Variants in RNF150 observed in about 807,000 individuals in gnomAD.
RNF150 encodes the protein ring finger protein 150.
Under a neutral mutation model 39.3 loss-of-function variants are expected in RNF150, and 24 were observed. That is an observed-to-expected ratio of 0.61 (90% CI 0.44 to 0.86). RNF150 has a LOEUF of 0.86. Ranked by LOEUF, RNF150 falls within the 40% of genes least tolerant of loss-of-function variation. The probability of loss-of-function intolerance (pLI) is 0.00; values close to 1 mark genes in which losing one functional copy is unlikely to be tolerated. For missense variants in RNF150, 502 were observed against 587.8 expected, an observed-to-expected ratio of 0.85 and a Z score of 1.51; for synonymous variants, 255 against 227.3, an observed-to-expected ratio of 1.12 and a Z score of -1.10.
At chr4:141,044,871 G>T (rs538378480) in intron 1 of RNF150, among the ~76,000 whole-genome samples, 1 of 152,092 alleles carries the variant, frequency 6.6e-6, no homozygotes, top group Non-Finnish European at 1.5e-5. Flanking sequence ...AGCATCAGTT[G>T]ATCTCAACAT....
chr4:141,024,851 A>G (rs899286551), intron 1 of RNF150, among the ~76,000 whole-genome samples: 2 of 152,150 alleles, frequency 1.3e-5, no homozygotes, highest in Admixed American at 6.6e-5. Flanking sequence ...GGTGTTTAAC[A>G]TTCTATTCTC....
Position 140,898,064 on chromosome 4 carries a change from T to C in RNF150, c.1198+13080A>G, listed in dbSNP as rs1010342651. ...TGCCTTTACTATCTGATCATGTTCC[T>C]TGATGCCCCACCAGATGAAGAGACC... On this transcript the variant is annotated intron_variant, in intron 6 of 6. Coordinates refer to ENST00000515673, the MANE Select transcript of RNF150 (RefSeq NM_020724.2). Among the ~76,000 whole-genome samples the C allele has an allele frequency of 8.6e-4, 131 of 152,328 alleles. 1 individual carries two copies. Among genetic ancestry groups the C allele is most frequent in the African/African-American group, 1.9e-3 (79 of 41,576 alleles).
At chr4:140,985,790 G>A (rs927473414) in intron 1 of RNF150, among the ~76,000 whole-genome samples, 1 of 152,026 alleles carries the variant, frequency 6.6e-6, no homozygotes, top group African/African-American at 2.4e-5. Flanking sequence ...AGATATTTTA[G>A]TTTTAATTTT....
At chr4:140,957,517 G>C (rs916607174) in intron 2 of RNF150, among the ~76,000 whole-genome samples, 22 of 152,286 alleles carry the variant, frequency 1.4e-4, no homozygotes, top group Admixed American at 1.3e-4. Context: ...TCTAGAACTA[G>C]AAATACCATT....
At chr4:140,940,914 G>A (rs1732058600) in intron 4 of RNF150, among the ~76,000 whole-genome samples, 1 of 152,142 alleles carries the variant, frequency 6.6e-6, no homozygotes, top group African/African-American at 2.4e-5. Flanking sequence ...AATAGAACCT[G>A]CTTTCTGCCA....
chr4:141,045,316 A>G (rs1179397010), intron 1 of RNF150, among the ~76,000 whole-genome samples: 2 of 152,168 alleles, frequency 1.3e-5, no homozygotes, highest in Admixed American at 6.5e-5. Context: ...TGCAAAAACC[A>G]TTTTCACAAA....
At chr4:141,172,224 G>A (rs1365634330) in intron 1 of RNF150, among the ~76,000 whole-genome samples, 1 of 152,154 alleles carries the variant, frequency 6.6e-6, no homozygotes, top group African/African-American at 2.4e-5. Flanking sequence ...GCTAGCTGGG[G>A]CATTTGCTTC....
chr4:141,047,109 G>C (rs1377966022), intron 1 of RNF150, among the ~76,000 whole-genome samples: 1 of 152,062 alleles, frequency 6.6e-6, no homozygotes, highest in Non-Finnish European at 1.5e-5. Context: ...TGCCAATCAG[G>C]ACTAATGCAC....
chr4:140,945,588 AT>A (rs1732270032), intron 4 of RNF150, among the ~76,000 whole-genome samples: 1 of 147,752 alleles, frequency 6.8e-6, no homozygotes, highest in African/African-American at 2.5e-5. Context: ...TATATACTAC[AT>A]ATATACATAT....
intron 1 of RNF150, chr4:141,053,565 G>T: frequency 2.0e-6 from 1 of 502,906 alleles, no homozygotes; most frequent in Non-Finnish European, 3.2e-6. Context: ...TATTTAAATT[G>T]GGAGATATAA....
chr4:140,916,215 G>A (rs1400766998), intron 5 of RNF150, among the ~76,000 whole-genome samples: 1 of 152,210 alleles, frequency 6.6e-6, no homozygotes, highest in African/African-American at 2.4e-5. Flanking sequence ...GACGAGTTGA[G>A]AGAGGAAGGC....
chr4:141,036,845 C>G (rs1348890009), intron 1 of RNF150, among the ~76,000 whole-genome samples: 3 of 152,174 alleles, frequency 2.0e-5, no homozygotes, highest in Non-Finnish European at 4.4e-5. Context: ...TAATATCTAA[C>G]AGCATAGCAC....
At chr4:141,084,780 A>G (rs1169300349) in intron 1 of RNF150, among the ~76,000 whole-genome samples, 1 of 152,242 alleles carries the variant, frequency 6.6e-6, no homozygotes, top group Non-Finnish European at 1.5e-5. Flanking sequence ...GACAAATGTC[A>G]TCACAGTATC....
chr4:140,969,927 C>T (rs922372974), intron 1 of RNF150, among the ~76,000 whole-genome samples: 1 of 151,926 alleles, frequency 6.6e-6, no homozygotes, highest in South Asian at 2.1e-4. Context: ...TCATGCCTTG[C>T]TAATTTTTGT....
At chr4:140,899,116 G>C (rs997301571) in intron 6 of RNF150, among the ~76,000 whole-genome samples, 1 of 152,036 alleles carries the variant, frequency 6.6e-6, no homozygotes, top group Non-Finnish European at 1.5e-5. Flanking sequence ...GATCTAATAG[G>C]AACATTCAAA....
At chr4:141,089,500 C>T (rs376438841) in intron 1 of RNF150, among the ~76,000 whole-genome samples, 1 of 152,126 alleles carries the variant, frequency 6.6e-6, no homozygotes, top group Non-Finnish European at 1.5e-5. Flanking sequence ...CGACTTGTGT[C>T]AAGAAAACAA....
intron 6 of RNF150, among the ~76,000 whole-genome samples, chr4:140,879,042 CT>C (rs1275843944): frequency 6.6e-6 from 1 of 152,178 alleles, no homozygotes; most frequent in African/African-American, 2.4e-5. Flanking sequence ...TCTTGGCTCA[CT>C]GTTGAGGATT....
chr4:141,149,866 T>C (rs1035849914), intron 1 of RNF150, among the ~76,000 whole-genome samples: 2 of 152,208 alleles, frequency 1.3e-5, no homozygotes, highest in African/African-American at 4.8e-5. Context: ...TGTAAAAGTG[T>C]TCCTTTTCAC....
rs970687412 is a variant in RNF150, at chr4:140,865,467, C to T, written c.*2794G>A. ...TACCAGGTCTCCAGGTCAGTCTCTT[C>T]TTTGGGGGAGGTAAAGAAGGCTATA... On this transcript the variant is annotated 3_prime_UTR_variant, in exon 7 of 7. Coordinates refer to ENST00000515673, the MANE Select transcript of RNF150 (RefSeq NM_020724.2). 6 of 151,390 alleles carry T rather than the reference C, an allele frequency of 4.0e-5. No individual in the cohort carries two copies. The highest frequency in any genetic ancestry group is 1.5e-4 in the African/African-American group (6 of 40,982). The allele number at this position is 151,390 out of a possible 1,614,324, so 9.4% of individuals were successfully genotyped here. A position where few individuals can be genotyped will look rare whatever the true frequency, so the allele number is the denominator to read the frequency against.
Sources: allele counts gnomAD v4.1 joint callset (sites outside exome capture counted in the v4.1 genomes callset), GRCh38; gene constraint gnomAD v4.1.1; transcripts MANE v1.5; gene names NCBI Gene and HGNC (gene_info 2026-07-23, HGNC 2026-07-21).